Variants in TMEM164 observed in about 807,000 individuals in gnomAD.
TMEM164 encodes transmembrane protein 164.
TMEM164 carries 4 observed loss-of-function variants against 18.8 expected under a neutral mutation model. That is an observed-to-expected ratio of 0.21 (90% CI 0.10 to 0.49). The LOEUF is 0.49. Among genes scored for constraint, TMEM164 ranks in the 20% least tolerant of loss-of-function variants. TMEM164 has a pLI of 0.98. For synonymous variants in TMEM164, 86 were observed against 101.7 expected, an observed-to-expected ratio of 0.85 and a Z score of 0.93; for missense variants, 108 against 239.9, an observed-to-expected ratio of 0.45 and a Z score of 3.63.
At chrX:110,153,183 A>C (rs748136043) in intron 5 of TMEM164, among the ~76,000 whole-genome samples, 4 of 112,006 alleles carry the variant, frequency 3.6e-5, no homozygotes, top group Non-Finnish European at 5.6e-5. Flanking sequence ...CTCTGTAACT[A>C]TTCTACCCCA....
chrX:110,140,970 C>T (rs1037999071), intron 4 of TMEM164, among the ~76,000 whole-genome samples: 8 of 111,333 alleles, frequency 7.2e-5, no homozygotes, highest in African/African-American at 2.3e-4. Flanking sequence ...AGCCCAGACT[C>T]GGTGCTCAGT....
At chrX:110,054,248 A>G (rs1602538392) in intron 2 of TMEM164, among the ~76,000 whole-genome samples, 1 of 112,291 alleles carries the variant, frequency 8.9e-6, no homozygotes, top group East Asian at 2.8e-4. Flanking sequence ...TAATATGTGT[A>G]AGACATTGAC....
At chrX:110,023,436 G>A (rs1470132690) in intron 2 of TMEM164, among the ~76,000 whole-genome samples, 5 of 110,955 alleles carry the variant, frequency 4.5e-5, no homozygotes, top group South Asian at 3.8e-4. Context: ...ACTAGCATCA[G>A]GCTGGTTCTT....
intron 3 of TMEM164, among the ~76,000 whole-genome samples, chrX:110,099,002 G>T (rs2066069231): frequency 1.1e-5 from 1 of 89,204 alleles, no homozygotes; most frequent in African/African-American, 4.3e-5. Context: ...GTTTCATCAT[G>T]TTAGCCAGGA....
chrX:110,084,392 AG>A (rs1478395182), intron 3 of TMEM164, among the ~76,000 whole-genome samples: 3 of 1,807 alleles, frequency 1.7e-3, no homozygotes, highest in Non-Finnish European at 2.8e-3. Flanking sequence ...ATATATATAT[AG>A]TATAGTATAT....
intron 2 of TMEM164, among the ~76,000 whole-genome samples, chrX:110,007,203 A>C (rs887380233): frequency 8.9e-6 from 1 of 112,410 alleles, no homozygotes; most frequent in Non-Finnish European, 1.9e-5. Flanking sequence ...CTGTAGTAGC[A>C]TAAGGAAGGG....
intron 6 of TMEM164, among the ~76,000 whole-genome samples, chrX:110,172,074 G>A (rs2067238209): frequency 8.9e-6 from 1 of 112,223 alleles, no homozygotes; most frequent in Non-Finnish European, 1.9e-5. Flanking sequence ...GAGTGTAAGA[G>A]TGTATATCAG....
chrX:110,113,239 GTC>G (rs2066316601), intron 4 of TMEM164, among the ~76,000 whole-genome samples: 1 of 112,358 alleles, frequency 8.9e-6, no homozygotes, highest in South Asian at 3.6e-4. Flanking sequence ...AGCCAATCTG[GTC>G]AATCTTTGTG....
chrX:110,148,086 T>G (rs1003207354), intron 5 of TMEM164, among the ~76,000 whole-genome samples: 1 of 110,651 alleles, frequency 9.0e-6, no homozygotes, highest in African/African-American at 3.3e-5. Context: ...CCATGAAAAT[T>G]TCATGATGTC....
At chrX:110,036,316 G>A (rs1208469159) in intron 2 of TMEM164, among the ~76,000 whole-genome samples, 4 of 111,694 alleles carry the variant, frequency 3.6e-5, no homozygotes, top group Non-Finnish European at 7.5e-5. Context: ...CCTGTCTGTG[G>A]AGTCCTCCCT....
At chrX:110,151,709 G>C (rs2148082315) in intron 5 of TMEM164, among the ~76,000 whole-genome samples, 1 of 111,603 alleles carries the variant, frequency 9.0e-6, no homozygotes, top group Non-Finnish European at 1.9e-5. Context: ...CTTGAACCCA[G>C]GAGGTGGAGG....
chrX:110,112,162 G>A (rs1306261534), intron 4 of TMEM164, among the ~76,000 whole-genome samples: 3 of 110,990 alleles, frequency 2.7e-5, no homozygotes, highest in Non-Finnish European at 5.7e-5. Context: ...ATGAAACCCC[G>A]TGTGTACTAA....
chrX:110,101,355 T>G (rs2066107735), intron 3 of TMEM164, among the ~76,000 whole-genome samples: 1 of 110,991 alleles, frequency 9.0e-6, no homozygotes, highest in African/African-American at 3.3e-5. Flanking sequence ...AGTTTTGGAG[T>G]TTGTGGTTTT....
intron 5 of TMEM164, among the ~76,000 whole-genome samples, chrX:110,152,562 C>T (rs1325094486): frequency 9.0e-6 from 1 of 111,238 alleles, no homozygotes; most frequent in Non-Finnish European, 1.9e-5. Context: ...GATAAAGATC[C>T]AACTTTATTT....
At chrX:110,139,190 A>G (rs2148049412) in intron 4 of TMEM164, among the ~76,000 whole-genome samples, 1 of 112,525 alleles carries the variant, frequency 8.9e-6, no homozygotes, top group Admixed American at 9.4e-5. Flanking sequence ...TGAGAAAAAC[A>G]GACAATTGCT....
At chrX:110,181,965 G>C (rs2067325494), downstream of TMEM164, among the ~76,000 whole-genome samples, 1 of 112,104 alleles carries the variant, frequency 8.9e-6, no homozygotes, top group African/African-American at 3.2e-5. Context: ...GTGTATGTGA[G>C]TGGGTGTTTG....
At chrX:110,067,988 G>A (rs1373972665) in intron 3 of TMEM164, among the ~76,000 whole-genome samples, 1 of 112,468 alleles carries the variant, frequency 8.9e-6, no homozygotes, top group African/African-American at 3.2e-5. Flanking sequence ...CATTTTAACC[G>A]TGAGTTGTGA....
chrX:110,094,467 G>C (rs1163272351), intron 3 of TMEM164, among the ~76,000 whole-genome samples: 2 of 111,338 alleles, frequency 1.8e-5, no homozygotes, highest in East Asian at 5.6e-4. Flanking sequence ...GATCTTTGTT[G>C]GTTTAAAGTC....
At chrX:110,154,072 G>A (rs1026656400) in intron 5 of TMEM164, among the ~76,000 whole-genome samples, 1 of 111,294 alleles carries the variant, frequency 9.0e-6, no homozygotes, top group African/African-American at 3.3e-5. Flanking sequence ...CCGACTTTGT[G>A]GTATATCCTT....
Sources: gnomAD v4.1 joint callset for allele counts (sites outside exome capture counted in the v4.1 genomes callset) on GRCh38, gnomAD v4.1.1 for gene constraint, MANE v1.5 for transcripts, NCBI Gene and HGNC (gene_info 2026-07-23, HGNC 2026-07-21) for gene names.